Variants in CSMD3 observed in about 807,000 individuals in gnomAD.
CSMD3 encodes CUB and sushi domain-containing protein 3.
CSMD3 carries 177 observed loss-of-function variants against 435.2 expected under a neutral mutation model. That is an observed-to-expected ratio of 0.41 (90% CI 0.36 to 0.46). The LOEUF is 0.46. CSMD3 is among the 20% of genes least tolerant of loss of function. The pLI, the probability that CSMD3 is intolerant of heterozygous loss-of-function variation, is 0.34. For missense variants in CSMD3, 4,265 were observed against 4,504.6 expected, an observed-to-expected ratio of 0.95 and a Z score of 1.52; for synonymous variants, 1,656 against 1,520.5, an observed-to-expected ratio of 1.09 and a Z score of -2.07.
chr8:112,477,239 G>T (rs10111988), intron 31 of CSMD3, among the ~76,000 whole-genome samples: 30,342 of 151,928 alleles, frequency 0.2, 3,693 homozygotes, highest in East Asian at 0.38. Context: ...TTCTTTGCTT[G>T]ATTGCTGTGC....
intron 1 of CSMD3, among the ~76,000 whole-genome samples, chr8:113,433,685 G>T (rs1411159435): frequency 6.6e-6 from 1 of 152,190 alleles, no homozygotes; most frequent in Non-Finnish European, 1.5e-5. Context: ...CGGTACCTTC[G>T]CTGCACGGTG....
At chr8:112,512,778 C>T (rs913272275) in intron 28 of CSMD3, among the ~76,000 whole-genome samples, 12 of 152,146 alleles carry the variant, frequency 7.9e-5, no homozygotes, top group African/African-American at 2.7e-4. Context: ...TGACACTATT[C>T]GAATAGAATG....
Position 113,299,276 on chromosome 8 carries a change from G to C in CSMD3, c.401+15295C>G, listed in dbSNP as rs553024455. 2.6e-5 allele frequency among the ~76,000 whole-genome samples: 4 copies of C among 152,220 alleles called. No individual in the cohort carries two copies. In the East Asian group the frequency reaches 7.7e-4, roughly 29 times the overall value. ...TATTTAATAATTTGTAAATAAGATA[G>C]TGTTAATTCTAGAATTATTTTCCTT... On this transcript the variant is annotated intron_variant, in intron 2 of 70. Coordinates refer to ENST00000297405, the MANE Select transcript of CSMD3 (RefSeq NM_198123.2).
At chr8:113,000,860 A>G (rs2085836370) in intron 6 of CSMD3, among the ~76,000 whole-genome samples, 1 of 152,000 alleles carries the variant, frequency 6.6e-6, no homozygotes, top group African/African-American at 2.4e-5. Flanking sequence ...TTCTTAACAC[A>G]CCTACTCAAT....
chr8:112,639,310 A>T (rs1207495310), intron 20 of CSMD3, among the ~76,000 whole-genome samples: 1 of 152,164 alleles, frequency 6.6e-6, no homozygotes, highest in Non-Finnish European at 1.5e-5. Flanking sequence ...AATGCTTAAT[A>T]TTATAGCACT....
intron 4 of CSMD3, among the ~76,000 whole-genome samples, chr8:113,149,108 A>C (rs1194431409): frequency 1.3e-5 from 2 of 151,854 alleles, no homozygotes; most frequent in Non-Finnish European, 2.9e-5. Flanking sequence ...TTTCAGTTTA[A>C]TTGAATGACA....
intron 27 of CSMD3, among the ~76,000 whole-genome samples, chr8:112,547,443 G>C (rs983620733): frequency 2.6e-5 from 4 of 152,172 alleles, no homozygotes; most frequent in Non-Finnish European, 4.4e-5. Flanking sequence ...AGCTACATGG[G>C]GGGCTGAGGT....
intron 14 of CSMD3, among the ~76,000 whole-genome samples, chr8:112,687,694 T>C: frequency 6.6e-6 from 1 of 152,174 alleles, no homozygotes; most frequent in East Asian, 1.9e-4. Flanking sequence ...GAACTGAAGC[T>C]TGCAAACTGA....
At chr8:112,378,380 G>A (rs1313678808) in intron 38 of CSMD3, among the ~76,000 whole-genome samples, 1 of 152,068 alleles carries the variant, frequency 6.6e-6, no homozygotes, top group Non-Finnish European at 1.5e-5. Context: ...CATGTTTATT[G>A]CAGCAGTATT....
At chr8:113,183,661 T>C (rs1205378118) in intron 3 of CSMD3, among the ~76,000 whole-genome samples, 1 of 151,974 alleles carries the variant, frequency 6.6e-6, no homozygotes, top group Admixed American at 6.6e-5. Flanking sequence ...CTATTCACTC[T>C]CTTCTTGAAA....
intron 38 of CSMD3, among the ~76,000 whole-genome samples, chr8:112,378,166 C>T (rs1019346625): frequency 6.8e-6 from 1 of 146,930 alleles, no homozygotes; most frequent in African/African-American, 2.6e-5. Context: ...ATCAAACACA[C>T]AAAAAAAAAT....
intron 13 of CSMD3, among the ~76,000 whole-genome samples, chr8:112,743,305 A>AAAT (rs2077354449): frequency 6.7e-6 from 1 of 150,186 alleles, no homozygotes. Flanking sequence ...CCAAAAAAAA[A>AAAT]AAATAAATAA....
intron 5 of CSMD3, among the ~76,000 whole-genome samples, chr8:113,032,500 C>T (rs951715399): frequency 6.6e-6 from 1 of 151,248 alleles, no homozygotes; most frequent in Non-Finnish European, 1.5e-5. Context: ...AGGGTAACTG[C>T]CAGAAGAAAT....
intron 1 of CSMD3, among the ~76,000 whole-genome samples, chr8:113,382,879 G>A (rs2094422864): frequency 6.6e-6 from 1 of 152,182 alleles, no homozygotes; most frequent in Non-Finnish European, 1.5e-5. Flanking sequence ...TACTTGGGAG[G>A]CTGAGGCAGG....
At chr8:113,425,824 G>A (rs1461445416) in intron 1 of CSMD3, among the ~76,000 whole-genome samples, 1 of 151,480 alleles carries the variant, frequency 6.6e-6, no homozygotes, top group Non-Finnish European at 1.5e-5. Flanking sequence ...TTCATTTAGA[G>A]GTTTTATCAT....
intron 28 of CSMD3, among the ~76,000 whole-genome samples, chr8:112,515,126 A>G (rs937024840): frequency 2.0e-5 from 3 of 152,120 alleles, no homozygotes; most frequent in African/African-American, 7.2e-5. Context: ...AGCAGATCTC[A>G]GAAGTTTTTC....
rs756384407 is a variant in CSMD3, at chr8:112,472,578, G to A, written c.5395+13C>T. 27 of 1,330,714 alleles carry A rather than the reference G, an allele frequency of 2.0e-5. No homozygotes were observed. The highest frequency in any genetic ancestry group is 3.5e-5 in the South Asian group (3 of 85,510). The allele number at this position is 1,330,714 out of a possible 1,614,324, so 82.4% of individuals were successfully genotyped here. On this transcript the variant is annotated intron_variant, in intron 32 of 70. Coordinates refer to ENST00000297405, the MANE Select transcript of CSMD3 (RefSeq NM_198123.2). ...TGGATGAAATACTACATAATGAGTC[G>A]AATCTTACTTACCAAACTCCTTTGG... is the stretch of plus-strand genomic sequence containing the variant.
chr8:112,341,842 A>G (rs1046345650), intron 41 of CSMD3, among the ~76,000 whole-genome samples, 156 bp from the exon 42 acceptor site: 13 of 152,154 alleles, frequency 8.5e-5, no homozygotes, highest in African/African-American at 3.1e-4. Context: ...CTGTCTGCCT[A>G]GGACAGGTAA....
chr8:113,272,227 G>A (rs896712168), intron 3 of CSMD3, among the ~76,000 whole-genome samples: 2 of 152,086 alleles, frequency 1.3e-5, no homozygotes, highest in African/African-American at 4.8e-5. Flanking sequence ...GGGATGCTTG[G>A]GAAGGCAGGA....
Sources: gnomAD v4.1 joint callset for allele counts (sites outside exome capture counted in the v4.1 genomes callset) on GRCh38, gnomAD v4.1.1 for gene constraint, MANE v1.5 for transcripts, NCBI Gene and HGNC (gene_info 2026-07-23, HGNC 2026-07-21) for gene names.